The following ENTREP2 variants were observed in gnomAD, a reference collection of about 807,000 sequenced individuals.
ENTREP2 encodes the protein protein ENTREP2.
chr15:29,252,697 C>G, the ENTREP2 span, among the ~76,000 whole-genome samples: 2 of 152,132 alleles, frequency 1.3e-5, no homozygotes, highest in African/African-American at 4.8e-5. Context: ...GAAGCCATAG[C>G]AAGCTACCAT....
At chr15:29,655,332 A>G in the ENTREP2 span, among the ~76,000 whole-genome samples, 2 of 152,192 alleles carry the variant, frequency 1.3e-5, no homozygotes, top group Non-Finnish European at 2.9e-5. Context: ...ACTTAGAGTC[A>G]CCATAGCAAC....
chr15:29,172,999 C>T, the ENTREP2 span, among the ~76,000 whole-genome samples: 4 of 152,198 alleles, frequency 2.6e-5, no homozygotes, highest in African/African-American at 4.8e-5. Flanking sequence ...GGCTGGCACC[C>T]TCTGCAGCCT....
the ENTREP2 span, among the ~76,000 whole-genome samples, chr15:29,667,230 C>T: frequency 6.6e-6 from 1 of 151,692 alleles, no homozygotes; most frequent in Non-Finnish European, 1.5e-5. Context: ...CTCCGTCTCC[C>T]AGGCTGGAGT....
At chr15:29,279,641 G>A in the ENTREP2 span, among the ~76,000 whole-genome samples, 1 of 152,142 alleles carries the variant, frequency 6.6e-6, no homozygotes, top group Non-Finnish European at 1.5e-5. Flanking sequence ...GGGATTACAG[G>A]CATGAGCCAC....
At chr15:29,342,855 G>T in the ENTREP2 span, among the ~76,000 whole-genome samples, 2 of 152,082 alleles carry the variant, frequency 1.3e-5, no homozygotes, top group African/African-American at 4.8e-5. Flanking sequence ...AACTATTCAC[G>T]ATCTGAATTA....
At chr15:29,129,062 GTTTTCTT>G in the ENTREP2 span, among the ~76,000 whole-genome samples, 114 of 152,258 alleles carry the variant, frequency 7.5e-4, no homozygotes, top group Non-Finnish European at 1.4e-3. Flanking sequence ...CCAAAGTCTA[GTTTTCTT>G]TTTTCTTTTT....
chr15:29,174,625 T>C, the ENTREP2 span, among the ~76,000 whole-genome samples: 3 of 151,080 alleles, frequency 2.0e-5, no homozygotes, highest in Non-Finnish European at 2.9e-5. Context: ...GGAGGCGGGG[T>C]CTTGCAGTGA....
chr15:29,603,618 A>C, the ENTREP2 span, among the ~76,000 whole-genome samples: 1 of 152,018 alleles, frequency 6.6e-6, no homozygotes, highest in Admixed American at 6.6e-5. Flanking sequence ...TGAAACTCCA[A>C]TTTCATTTTA....
At chr15:29,593,228 G>A in the ENTREP2 span, among the ~76,000 whole-genome samples, 69,421 of 151,952 alleles carry the variant, frequency 0.46, 17,635 homozygotes, top group Non-Finnish European at 0.58. Context: ...ACAGCCTGCC[G>A]TTTAGCTATA....
the ENTREP2 span, among the ~76,000 whole-genome samples, chr15:29,357,802 G>A: frequency 6.6e-6 from 1 of 151,364 alleles, no homozygotes; most frequent in Non-Finnish European, 1.5e-5. Flanking sequence ...TCGTGCCACT[G>A]CACTCCAGCC....
At chr15:29,553,548 C>T in the ENTREP2 span, among the ~76,000 whole-genome samples, 1 of 152,192 alleles carries the variant, frequency 6.6e-6, no homozygotes, top group Non-Finnish European at 1.5e-5. Flanking sequence ...TATGTCCCCT[C>T]CCCTTAAATG....
At chr15:29,420,806 A>G in the ENTREP2 span, among the ~76,000 whole-genome samples, 506 of 152,308 alleles carry the variant, frequency 3.3e-3, no homozygotes, top group Admixed American at 4.8e-3. Flanking sequence ...TGTTCCCCTA[A>G]AAACATCAAA....
chr15:29,517,706 G>T, the ENTREP2 span, among the ~76,000 whole-genome samples: 6 of 152,054 alleles, frequency 3.9e-5, no homozygotes, highest in Admixed American at 3.3e-4. Context: ...ACAGCGTGAT[G>T]TCGAAGTCCC....
At chr15:29,513,649 T>A in the ENTREP2 span, among the ~76,000 whole-genome samples, 1 of 152,232 alleles carries the variant, frequency 6.6e-6, no homozygotes, top group African/African-American at 2.4e-5. Flanking sequence ...ATGATGAACA[T>A]GTGCTCCACT....
the ENTREP2 span, among the ~76,000 whole-genome samples, chr15:29,348,459 C>A: frequency 1.3e-5 from 2 of 152,000 alleles, no homozygotes; most frequent in African/African-American, 4.8e-5. Context: ...AGTGTGGAGG[C>A]GTGTGGCTGG....
chr15:29,622,371 A>G, the ENTREP2 span, among the ~76,000 whole-genome samples: 17 of 151,850 alleles, frequency 1.1e-4, no homozygotes, highest in Admixed American at 5.9e-4. Context: ...ACGCCCGGCT[A>G]ATTTTTTTGT....
chr15:29,476,367 G>C, the ENTREP2 span, among the ~76,000 whole-genome samples: 1 of 152,206 alleles, frequency 6.6e-6, no homozygotes, highest in African/African-American at 2.4e-5. Context: ...TCACTGGGAA[G>C]CCATTAGCTG....
At chr15:29,318,350 T>C in the ENTREP2 span, among the ~76,000 whole-genome samples, 6 of 152,102 alleles carry the variant, frequency 3.9e-5, no homozygotes, top group African/African-American at 1.4e-4. Context: ...AGACGGAGTT[T>C]TGCTCAGTCA....
At chr15:29,283,977 C>A in the ENTREP2 span, among the ~76,000 whole-genome samples, 1 of 151,820 alleles carries the variant, frequency 6.6e-6, no homozygotes, top group Non-Finnish European at 1.5e-5. Context: ...TCCCACAGCA[C>A]AAGATAAAAA....
Sources: gnomAD v4.1 joint callset for allele counts (sites outside exome capture counted in the v4.1 genomes callset) on GRCh38, gnomAD v4.1.1 for gene constraint, MANE v1.5 for transcripts, NCBI Gene and HGNC (gene_info 2026-07-23, HGNC 2026-07-21) for gene names.